The following PCDHGC3 variants were observed in gnomAD, a reference collection of about 807,000 sequenced individuals.
PCDHGC3 encodes protocadherin gamma-C3.
Under a neutral mutation model 59.2 loss-of-function variants are expected in PCDHGC3, and 26 were observed. The observed-to-expected ratio is 0.44, with a 90% CI of 0.32 to 0.61. The LOEUF (loss-of-function observed/expected upper bound fraction) is 0.61, where lower values mean the gene tolerates loss of function less well. Among genes scored for constraint, PCDHGC3 ranks in the 20% least tolerant of loss-of-function variants. PCDHGC3 has a pLI of 0.05. For synonymous variants in PCDHGC3, 487 were observed against 519.7 expected (o/e 0.94, Z 0.86); for missense variants, 1,080 against 1,221.8 (o/e 0.88, Z 1.73).
chr5:141,485,539 G>C lies in PCDHGC3; in HGVS notation c.2430+6993G>C, dbSNP rs370323886. The C allele has an allele frequency of 9.9e-6, 16 of 1,613,986 alleles. No homozygotes were observed. In the African/African-American group the frequency reaches 2.0e-4, roughly 20 times the overall value. On this transcript the variant is annotated intron_variant, in intron 1 of 3. Transcript: ENST00000308177. This position sits in a 1 kb window ranked among gnomAD's most constrained non-coding sequence, Gnocchi z 5.7. ...TGGAAATGTACCGAGCAGAGGTAGA[G>C]ATCGTAGATGTGAATGATCACGCCC... is the stretch of plus-strand genomic sequence containing the variant.
Position 141,511,983 on chromosome 5 carries a change from G to C in PCDHGC3, c.*810G>C, listed in dbSNP as rs904146751. On this transcript the variant is annotated 3_prime_UTR_variant, in exon 4 of 4. Coordinates refer to ENST00000308177, the MANE Select transcript of PCDHGC3 (RefSeq NM_002588.4). ...AGGGAAGTGTGTGGATGTGGATGGT[G>C]GGGGCATGGACAAAGCTTGACACAT... 6.5e-6 allele frequency: 1 copy of C among 153,280 alleles called. No individual in the cohort carries two copies. The allele number at this position is 153,280 out of a possible 1,614,324, so 9.5% of individuals were successfully genotyped here.
intron 2 of PCDHGC3, among the ~76,000 whole-genome samples, chr5:141,504,402 G>A (rs2099837969): frequency 6.6e-6 from 1 of 152,170 alleles, no homozygotes; most frequent in Admixed American, 6.6e-5. Context: ...AGCCAGTGTG[G>A]TGGAGGAACA....
intron 2 of PCDHGC3, among the ~76,000 whole-genome samples, chr5:141,504,997 AC>A (rs554150488): frequency 9.9e-5 from 15 of 152,238 alleles, no homozygotes; most frequent in African/African-American, 2.9e-4. Flanking sequence ...CCCCGTCTGT[AC>A]TAAAAATACA....
rs1304361659 is a variant in PCDHGC3 at position 141,494,859 on chromosome 5, C to T, written c.2483C>T (p.Thr828Ile). 2 of 1,614,134 alleles carry T rather than the reference C, an allele frequency of 1.2e-6. No individual in the cohort carries two copies. The highest frequency in any genetic ancestry group is 8.5e-7 in the Non-Finnish European group (1 of 1,180,012). Reference protein sequence around the residue: ...WRFSQAQRPGTSGSQNGDDTG... With the variant: ...WRFSQAQRPGISGSQNGDDTG... Reference sequence around the variant, plus strand: ...TTCTCTCAGGCCCAGAGACCCGGCACCAGCGGGTAGGTGACTGATTCTCCA... The same window carrying T: ...TTCTCTCAGGCCCAGAGACCCGGCATCAGCGGGTAGGTGACTGATTCTCCA... Residue 828 changes from threonine to isoleucine, a missense_variant, in exon 2 of 4, where the codon ACC becomes ATC. By Grantham distance (89) the Thr-to-Ile change is moderately conservative. Coordinates refer to ENST00000308177, the MANE Select transcript of PCDHGC3 (RefSeq NM_002588.4).
Position 141,485,606 on chromosome 5 carries a change from G to T in PCDHGC3, c.2430+7060G>T, listed in dbSNP as rs2099616630. On this transcript the variant is annotated intron_variant, in intron 1 of 3. Transcript: ENST00000308177. The surrounding 1 kb of genome is among the most constrained non-coding windows in gnomAD (Gnocchi z 5.7). ...GCAGCTGGACTTGGAAATTGGGGAG[G>T]CAGCTCCTCCAGGACAGCGTTTCCC... is the stretch of plus-strand genomic sequence containing the variant. 1.2e-6 allele frequency: 2 copies of T among 1,612,362 alleles called. No homozygotes were observed. The highest frequency in any genetic ancestry group is 4.5e-5 in the East Asian group (2 of 44,840).
Position 141,489,363 on chromosome 5 carries a change from G to A in PCDHGC3, c.2431-5444G>A, listed in dbSNP as rs767837736. On this transcript the variant is annotated intron_variant, in intron 1 of 3. Transcript: ENST00000308177. This position sits in a 1 kb window ranked among gnomAD's most constrained non-coding sequence, Gnocchi z 4.5. ...ACTCAGTGGTGGAGGAGTCTGAGCC[G>A]GGGACGCTGGTGGGGAATGTTGCTC... 46 of 1,613,114 alleles carry A rather than the reference G, an allele frequency of 2.9e-5. 1 individual carries two copies. In the South Asian group the frequency reaches 3.4e-4, roughly 12 times the overall value.
At chr5:141,498,551 C>T (rs749191535) in intron 2 of PCDHGC3, among the ~76,000 whole-genome samples, 2 of 151,950 alleles carry the variant, frequency 1.3e-5, no homozygotes, top group Non-Finnish European at 2.9e-5. Context: ...GTCAGACACA[C>T]CAGCTTCAAA....
chr5:141,477,569 G>A lies in PCDHGC3; in HGVS notation c.1453G>A (p.Asp485Asn). The A allele has an allele frequency of 6.2e-7, 1 of 1,614,104 alleles. No homozygotes were observed. Among genetic ancestry groups the A allele is most frequent in the Non-Finnish European group, 8.5e-7 (1 of 1,180,024 alleles). The change falls in exon 1 of 4, where the codon GAC becomes AAC. Residue 485 changes from aspartate to asparagine, a missense_variant. Physicochemically the swap from Asp to Asn is conservative, Grantham distance 23 (BLOSUM62 1). Coordinates refer to ENST00000308177, the MANE Select transcript of PCDHGC3 (RefSeq NM_002588.4). This position sits in a 1 kb window ranked among gnomAD's most constrained non-coding sequence, Gnocchi z 4.9. ...PILNLSVWDPDAPQNARLSFF... is the reference protein window; with the variant it reads ...PILNLSVWDPNAPQNARLSFF... ...ACTAAACCTAAGTGTCTGGGACCCC[G>A]ACGCCCCGCAGAATGCTCGGCTTTC...
chr5:141,482,000 G>A (rs1421859839), intron 1 of PCDHGC3, among the ~76,000 whole-genome samples: 8 of 150,854 alleles, frequency 5.3e-5, no homozygotes, highest in East Asian at 1.9e-4. Flanking sequence ...CAGGAGAATC[G>A]CTTTATCTCA....
Position 141,491,422 on chromosome 5 carries a change from G to A in PCDHGC3, c.2431-3385G>A. 1 of 1,614,112 alleles carries A rather than the reference G, an allele frequency of 6.2e-7. No individual in the cohort carries two copies. Among genetic ancestry groups the A allele is most frequent in the East Asian group, 2.2e-5 (1 of 44,874 alleles). On this transcript the variant is annotated intron_variant, in intron 1 of 3. Coordinates refer to ENST00000308177, the MANE Select transcript of PCDHGC3 (RefSeq NM_002588.4). The surrounding 1 kb of genome is among the most constrained non-coding windows in gnomAD (Gnocchi z 6.9). The stretch of plus-strand genomic sequence containing the variant: ...AAACGCAGACGGGGACGGGGGTGGA[G>A]GGCAGTGCTGCAGGCGCCAGGACTC...
chr5:141,480,719 A>G (rs1455113968), intron 1 of PCDHGC3, among the ~76,000 whole-genome samples: 1 of 152,194 alleles, frequency 6.6e-6, no homozygotes, highest in Non-Finnish European at 1.5e-5. Flanking sequence ...ATGAAAGCAC[A>G]GTCTCTGGGG....
chr5:141,502,866 CTT>C (rs549047197), intron 2 of PCDHGC3, among the ~76,000 whole-genome samples: 3 of 127,996 alleles, frequency 2.3e-5, no homozygotes, highest in Admixed American at 8.6e-5. Flanking sequence ...GACTCTCTGT[CTT>C]TTTTTTTTTT....
chr5:141,485,338 T>C lies in PCDHGC3; in HGVS notation c.2430+6792T>C, dbSNP rs1259658641. The stretch of plus-strand genomic sequence containing the variant: ...ATGTCGCTCAAGATTTCCTGCTGGA[T>C]ACGGACAGTCTGTCAGCTCGCAGGC... On this transcript the variant is annotated intron_variant, in intron 1 of 3. Coordinates refer to ENST00000308177, the MANE Select transcript of PCDHGC3 (RefSeq NM_002588.4). The surrounding 1 kb of genome is among the most constrained non-coding windows in gnomAD (Gnocchi z 5.7). 1 of 1,614,140 alleles carries C rather than the reference T, an allele frequency of 6.2e-7. No individual in the cohort carries two copies. Among genetic ancestry groups the C allele is most frequent in the Non-Finnish European group, 8.5e-7 (1 of 1,180,006 alleles).
chr5:141,488,846 C>T (rs1359759383), intron 1 of PCDHGC3, among the ~76,000 whole-genome samples: 1 of 152,174 alleles, frequency 6.6e-6, no homozygotes, highest in African/African-American at 2.4e-5. Flanking sequence ...GCTGAATCAA[C>T]CTGCAGCACG....
intron 1 of PCDHGC3, among the ~76,000 whole-genome samples, chr5:141,481,037 G>A (rs1438691746): frequency 2.0e-5 from 3 of 152,050 alleles, no homozygotes; most frequent in East Asian, 3.9e-4. Context: ...CAGCCTGGGC[G>A]ACAGAGCGAG....
chr5:141,489,597 A>T lies in PCDHGC3; in HGVS notation c.2431-5210A>T. The T allele has an allele frequency of 6.2e-7, 1 of 1,614,100 alleles. No individual in the cohort carries two copies. Among genetic ancestry groups the T allele is most frequent in the African/African-American group, 1.3e-5 (1 of 75,040 alleles). ...AACACCCCCTGGAGCTAATCCGTGT[A>T]GAGGTAGAGATCCTGGATCTCAATG... On this transcript the variant is annotated intron_variant, in intron 1 of 3. Transcript: ENST00000308177. The surrounding 1 kb of genome is among the most constrained non-coding windows in gnomAD (Gnocchi z 4.5).
At chr5:141,495,175 C>T (rs1337353259) in intron 2 of PCDHGC3, among the ~76,000 whole-genome samples, 1 of 152,182 alleles carries the variant, frequency 6.6e-6, no homozygotes, top group Admixed American at 6.5e-5. Context: ...TGGGTGAAAG[C>T]GAGGCTTTCT....
In PCDHGC3 at chr5:141,505,323, G is replaced by T. The variant is rs996747379; in HGVS notation, c.2490-70G>T. 12 of 1,606,640 alleles carry T rather than the reference G, an allele frequency of 7.5e-6. No homozygotes were observed. In the African/African-American group the frequency reaches 1.5e-4, roughly 20 times the overall value. On this transcript the variant is annotated intron_variant, in intron 2 of 3. Transcript: ENST00000308177. Reference sequence around the variant, plus strand: ...TAGGGTACTAGGTTTGGGAGCCCTGGGAGAGGACAGGAGGGGCATGAGCTG... The same window carrying T: ...TAGGGTACTAGGTTTGGGAGCCCTGTGAGAGGACAGGAGGGGCATGAGCTG...
rs764957747 is a variant in PCDHGC3, at chr5:141,505,453, G to A, written c.2550G>A (p.Leu850=). Residue 850 remains leucine (L), a synonymous_variant, in exon 3 of 4, where the codon CTG becomes CTA. Coordinates refer to ENST00000308177, the MANE Select transcript of PCDHGC3 (RefSeq NM_002588.4). ...ACAACCAGTTTGACACAGAGATGCT[G>A]CAAGCCATGATCTTGGCGTCCGCCA... ...WPNNQFDTEM[L]QAMILASASE... 3 of 1,614,190 alleles carry A rather than the reference G, an allele frequency of 1.9e-6. No individual in the cohort carries two copies. Among genetic ancestry groups the A allele is most frequent in the Non-Finnish European group, 2.5e-6 (3 of 1,180,012 alleles).
Sources: allele counts gnomAD v4.1 joint callset (sites outside exome capture counted in the v4.1 genomes callset), GRCh38; gene constraint gnomAD v4.1.1; non-coding constraint Gnocchi (gnomAD v3.1); transcripts MANE v1.5; gene names NCBI Gene and HGNC (gene_info 2026-07-23, HGNC 2026-07-21).